Variants in C2orf42 observed in about 807,000 individuals in gnomAD.
C2orf42 encodes the protein chromosome 2 open reading frame 42.
C2orf42 carries 44 observed loss-of-function variants against 58.9 expected under a neutral mutation model. The ratio of observed to expected loss-of-function variants is 0.75; its 90% confidence interval spans 0.59 to 0.96. The LOEUF is 0.96. Among genes scored for constraint, C2orf42 ranks in the 40% least tolerant of loss-of-function variants. The pLI, the probability that C2orf42 is intolerant of heterozygous loss-of-function variation, is 0.00. For missense variants in C2orf42, 630 were observed against 699.2 expected (o/e 0.90, Z 1.12); for synonymous variants, 239 against 265.4 (o/e 0.90, Z 0.97).
chr2:70,160,849 C>G (rs1370416005), intron 8 of C2orf42, 62 bp from the exon 9 acceptor site: 1 of 1,025,198 alleles, frequency 9.8e-7, no homozygotes, highest in Non-Finnish European at 1.4e-6. Flanking sequence ...AGACCAATAC[C>G]TGGATGACGA....
rs532953637 is a variant in C2orf42, at chr2:70,187,085, C to G, written c.-282+3888G>C. 2.7e-4 allele frequency among the ~76,000 whole-genome samples: 41 copies of G among 151,664 alleles called. 2 individuals carry two copies. In the East Asian group the frequency reaches 7.7e-3, roughly 29 times the overall value. ...AACCTGCACATTGTGCACATGTACCCTAAAACTTAAAGTATAATAATAATT... is the reference window on the plus strand; with the variant it reads ...AACCTGCACATTGTGCACATGTACCGTAAAACTTAAAGTATAATAATAATT... On this transcript the variant is annotated intron_variant, in intron 1 of 9. Transcript: ENST00000264434.
At chr2:70,163,279 C>T (rs1485833797) in intron 8 of C2orf42, among the ~76,000 whole-genome samples, 1 of 149,402 alleles carries the variant, frequency 6.7e-6, no homozygotes, top group Non-Finnish European at 1.5e-5. Context: ...GCGTCTTGCT[C>T]TGTCGCCCAG....
chr2:70,150,188 A>G lies in C2orf42; in HGVS notation c.*168T>C, dbSNP rs1303007990. The G allele has an allele frequency of 4.8e-6, 3 of 624,348 alleles. No individual in the cohort carries two copies. Among genetic ancestry groups the G allele is most frequent in the East Asian group, 5.5e-5 (2 of 36,644 alleles). 38.7% of individuals were successfully genotyped at this position (624,348 alleles called of 1,614,324 possible). On this transcript the variant is annotated 3_prime_UTR_variant, in exon 10 of 10. Coordinates refer to ENST00000264434, the MANE Select transcript of C2orf42 (RefSeq NM_017880.3). ...CAGCAGCATCAAAAAGGCTATTTACAAGAGATTTTCTTCAACAGAATCCAC... is the reference window on the plus strand; with the variant it reads ...CAGCAGCATCAAAAAGGCTATTTACGAGAGATTTTCTTCAACAGAATCCAC...
At chr2:70,168,720 C>CTT (rs11380285) in intron 6 of C2orf42, among the ~76,000 whole-genome samples, 35 of 142,844 alleles carry the variant, frequency 2.5e-4, no homozygotes, top group Non-Finnish European at 2.9e-4. Flanking sequence ...GTTTATGTCC[C>CTT]TTTTTTTTTT....
intron 5 of C2orf42, among the ~76,000 whole-genome samples, chr2:70,170,949 A>T (rs1272291511): frequency 6.6e-6 from 1 of 151,674 alleles, no homozygotes; most frequent in African/African-American, 2.4e-5. Flanking sequence ...CCCCGTCTCT[A>T]CTAAAAATAC....
At chr2:70,170,187 A>C (rs1673709638) in intron 5 of C2orf42, among the ~76,000 whole-genome samples, 1 of 151,852 alleles carries the variant, frequency 6.6e-6, no homozygotes. Flanking sequence ...TCCAGAAAAA[A>C]AAAAAAAAAA....
chr2:70,181,492 G>T lies in C2orf42; in HGVS notation c.494C>A (p.Thr165Asn). 3.1e-6 allele frequency: 5 copies of T among 1,613,642 alleles called. No individual in the cohort carries two copies. The highest frequency in any genetic ancestry group is 4.2e-6 in the Non-Finnish European group (5 of 1,180,020). ...GGCCAACTGCCAGATGGTCTGTTTGGTTTCCGGGGAGGCCTGCATTGCATT... is the reference window on the plus strand; with the variant it reads ...GGCCAACTGCCAGATGGTCTGTTTGTTTTCCGGGGAGGCCTGCATTGCATT... Reference protein sequence around the residue: ...VLNAMQASPETKQTIWQLATE... With the variant: ...VLNAMQASPENKQTIWQLATE... The change falls in exon 3 of 10, where the codon ACC (threonine) becomes AAC (asparagine). Residue 165 changes from threonine to asparagine, a missense_variant. By Grantham distance (65) the Thr-to-Asn change is moderately conservative. Coordinates refer to ENST00000264434, the MANE Select transcript of C2orf42 (RefSeq NM_017880.3).
intron 5 of C2orf42, among the ~76,000 whole-genome samples, chr2:70,174,152 A>G (rs1002343650): frequency 2.6e-5 from 4 of 152,048 alleles, no homozygotes; most frequent in African/African-American, 9.7e-5. Flanking sequence ...TACTAAAAAT[A>G]CAAAAATTAG....
chr2:70,154,083 AC>A (rs1672492201), intron 9 of C2orf42, among the ~76,000 whole-genome samples: 2 of 150,274 alleles, frequency 1.3e-5, no homozygotes, highest in South Asian at 2.1e-4. Context: ...AAAAAAAAAA[AC>A]ACAGAAATTT....
intron 9 of C2orf42, among the ~76,000 whole-genome samples, chr2:70,152,850 T>C (rs1405581888): frequency 6.6e-6 from 1 of 152,124 alleles, no homozygotes. Flanking sequence ...CTGATCAAGA[T>C]GGTGAAACTC....
intron 6 of C2orf42, among the ~76,000 whole-genome samples, chr2:70,168,715 T>C (rs536348447): frequency 1.4e-5 from 2 of 144,522 alleles, no homozygotes; most frequent in Non-Finnish European, 3.0e-5. Flanking sequence ...AGCATGTTTA[T>C]GTCCCTTTTT....
chr2:70,163,545 C>T (rs1242015184), intron 8 of C2orf42, among the ~76,000 whole-genome samples: 8 of 152,072 alleles, frequency 5.3e-5, no homozygotes, highest in African/African-American at 1.7e-4. Flanking sequence ...GCACCCAGCC[C>T]GAAAAACATT....
At chr2:70,165,245 T>C (rs975049841) in intron 7 of C2orf42, 53 bp from the exon 8 acceptor site, 12 of 1,018,010 alleles carry the variant, frequency 1.2e-5, no homozygotes, top group Non-Finnish European at 1.7e-5. Context: ...ACATTTTCTT[T>C]TGTTGTATTT....
chr2:70,161,216 A>C (rs559657247), intron 8 of C2orf42, among the ~76,000 whole-genome samples: 1 of 152,306 alleles, frequency 6.6e-6, no homozygotes, highest in East Asian at 1.9e-4. Flanking sequence ...TGAGCCAAGC[A>C]GAACTGGAAC....
intron 9 of C2orf42, 132 bp downstream of exon 9, chr2:70,160,493 C>T (rs1672984554): frequency 3.3e-6 from 2 of 604,936 alleles, no homozygotes; most frequent in Non-Finnish European, 5.7e-6. Context: ...AATACCTTAT[C>T]CCACGATTGC....
At chr2:70,187,196 T>G (rs1204247500) in intron 1 of C2orf42, among the ~76,000 whole-genome samples, 5 of 152,206 alleles carry the variant, frequency 3.3e-5, no homozygotes, top group Admixed American at 3.3e-4. Flanking sequence ...AGCTTTAGCA[T>G]AGGAATAGCT....
chr2:70,189,966 C>T (rs183705479), intron 1 of C2orf42, among the ~76,000 whole-genome samples: 78 of 151,414 alleles, frequency 5.2e-4, no homozygotes, highest in Admixed American at 4.6e-4. Context: ...ACGAGAGATA[C>T]ACATATGTAT....
intron 4 of C2orf42, among the ~76,000 whole-genome samples, chr2:70,176,468 C>T (rs1674201000): frequency 6.6e-6 from 1 of 150,970 alleles, no homozygotes; most frequent in African/African-American, 2.4e-5. Flanking sequence ...TGCGCCACTG[C>T]ACTCCAGCCT....
At chr2:70,174,769 C>T (rs1361756386) in intron 5 of C2orf42, among the ~76,000 whole-genome samples, 2 of 151,592 alleles carry the variant, frequency 1.3e-5, no homozygotes, top group African/African-American at 4.9e-5. Context: ...CTCCCGGGTT[C>T]AAGTGATTCT....
Sources: gnomAD v4.1 joint callset for allele counts (sites outside exome capture counted in the v4.1 genomes callset) on GRCh38, gnomAD v4.1.1 for gene constraint, MANE v1.5 for transcripts, NCBI Gene and HGNC (gene_info 2026-07-23, HGNC 2026-07-21) for gene names.